ANKRD62: variants seen among roughly 807,000 people sequenced by gnomAD.
The protein encoded by ANKRD62 is ankyrin repeat domain-containing protein 62.
Under a neutral mutation model 98.8 loss-of-function variants are expected in ANKRD62, and 61 were observed. That is an observed-to-expected ratio of 0.62 (90% CI 0.50 to 0.76). ANKRD62 has a LOEUF of 0.76. ANKRD62 is among the 30% of genes least tolerant of loss of function. ANKRD62 has a pLI of 0.00. For missense variants in ANKRD62, 933 were observed against 1,082.9 expected (o/e 0.86, Z 1.94); for synonymous variants, 341 against 367.9 (o/e 0.93, Z 0.84).
At chr18:12,119,223 T>A (rs1446392432) in intron 10 of ANKRD62, among the ~76,000 whole-genome samples, 1 of 152,172 alleles carries the variant, frequency 6.6e-6, no homozygotes, top group East Asian at 1.9e-4. Flanking sequence ...TCTGTAATCA[T>A]GTGACATTAC....
intron 11 of ANKRD62, among the ~76,000 whole-genome samples, chr18:12,123,031 GTTT>G (rs34884853): frequency 1.3e-5 from 2 of 151,040 alleles, no homozygotes; most frequent in Admixed American, 6.6e-5. Context: ...AAATTAACCA[GTTT>G]TTTTTGTTTG....
intron 8 of ANKRD62, among the ~76,000 whole-genome samples, chr18:12,113,936 A>G (rs1300487675): frequency 6.6e-6 from 1 of 152,256 alleles, no homozygotes; most frequent in Non-Finnish European, 1.5e-5. Flanking sequence ...TGGTACATAT[A>G]TACCAGGAAA....
intron 5 of ANKRD62, 97 bp downstream of exon 5, chr18:12,097,874 A>G: frequency 2.1e-6 from 3 of 1,444,854 alleles, no homozygotes; most frequent in South Asian, 1.5e-5. Context: ...AGTTTGGTTC[A>G]GGTAGTTTTG....
rs573288670 is a variant in ANKRD62 at position 12,116,457 on chromosome 18, AT to A, written c.1240+930del. Among the ~76,000 whole-genome samples the A allele has an allele frequency of 2.8e-4, 42 of 152,258 alleles. No individual in the cohort carries two copies. In the East Asian group the frequency reaches 4.2e-3, roughly 15 times the overall value. On this transcript the variant is annotated intron_variant, in intron 10 of 13. Coordinates refer to ENST00000587848, the MANE Select transcript of ANKRD62 (RefSeq NM_001277333.2). ...TTTCATGCACAAAATTATTAAAAGT[AT>A]TTTTTTAATTACCATCTGTCTTTGT...
the ANKRD62 span, among the ~76,000 whole-genome samples, chr18:12,139,603 G>A: frequency 2.0e-5 from 3 of 151,868 alleles, no homozygotes; most frequent in Non-Finnish European, 4.4e-5. Context: ...CCAAGACCAC[G>A]CCACTGCACT....
At chr18:12,135,583 T>G in the ANKRD62 span, among the ~76,000 whole-genome samples, 238 of 150,674 alleles carry the variant, frequency 1.6e-3, 3 homozygotes, top group African/African-American at 4.5e-3. Context: ...GGGTCAAATG[T>G]TATTTCTAGT....
chr18:12,098,057 G>T (rs1033391003), intron 5 of ANKRD62, among the ~76,000 whole-genome samples: 1 of 152,182 alleles, frequency 6.6e-6, no homozygotes, highest in African/African-American at 2.4e-5. Flanking sequence ...AGTTGGGATA[G>T]TTCTAACCTG....
chr18:12,109,428 C>G (rs1201230790), intron 8 of ANKRD62, among the ~76,000 whole-genome samples: 2 of 152,152 alleles, frequency 1.3e-5, no homozygotes, highest in East Asian at 3.9e-4. Flanking sequence ...GGTGCCATGT[C>G]CCGGGTCTGC....
intron 10 of ANKRD62, among the ~76,000 whole-genome samples, chr18:12,117,350 A>G (rs988267160): frequency 1.3e-5 from 2 of 152,228 alleles, no homozygotes; most frequent in Non-Finnish European, 2.9e-5. Context: ...ATTGACGAAG[A>G]CAAAAAGCTG....
At chr18:12,146,688 G>A in the ANKRD62 span, among the ~76,000 whole-genome samples, 1,230 of 146,922 alleles carry the variant, frequency 8.4e-3, no homozygotes, top group African/African-American at 0.02. Context: ...CAAACGATCC[G>A]CCCTCCTCGG....
the ANKRD62 span, among the ~76,000 whole-genome samples, chr18:12,174,232 T>C: frequency 1.3e-5 from 2 of 152,228 alleles, no homozygotes; most frequent in Non-Finnish European, 2.9e-5. Flanking sequence ...CTGACTGTTT[T>C]ATTTCAGAAA....
chr18:12,096,590 T>C (rs1163290668), intron 4 of ANKRD62, among the ~76,000 whole-genome samples: 1 of 152,228 alleles, frequency 6.6e-6, no homozygotes, highest in Non-Finnish European at 1.5e-5. Context: ...ATATTGGTTT[T>C]ACTTGTTTTA....
At chr18:12,121,444 C>G (rs79913775) in intron 10 of ANKRD62, among the ~76,000 whole-genome samples, 31,561 of 152,008 alleles carry the variant, frequency 0.21, 4,236 homozygotes, top group East Asian at 0.54. Context: ...CTCCACCGCT[C>G]GCCATCCCTT....
the ANKRD62 span, among the ~76,000 whole-genome samples, chr18:12,138,427 C>G: frequency 6.6e-6 from 1 of 152,224 alleles, no homozygotes; most frequent in Non-Finnish European, 1.5e-5. Context: ...GTTATAATTT[C>G]TGTTCTTTTA....
At chr18:12,158,195 C>T in the ANKRD62 span, among the ~76,000 whole-genome samples, 1 of 152,194 alleles carries the variant, frequency 6.6e-6, no homozygotes, top group Non-Finnish European at 1.5e-5. Flanking sequence ...GAGGAACGTG[C>T]TTTGTTTAGA....
Position 12,127,844 on chromosome 18 carries a change from A to G in ANKRD62, c.2659A>G (p.Asn887Asp). 5 of 1,526,028 alleles carry G rather than the reference A, an allele frequency of 3.3e-6. No individual in the cohort carries two copies. In the South Asian group the frequency reaches 4.9e-5, roughly 15 times the overall value. 94.5% of individuals were successfully genotyped at this position (1,526,028 alleles called of 1,614,324 possible). A position where few individuals can be genotyped will look rare whatever the true frequency, so the allele number is the denominator to read the frequency against. Reference protein sequence around the residue: ...MLEISSERRINLEDEAQSLKK... With the variant: ...MLEISSERRIDLEDEAQSLKK... ...AGAGATTTCATCAGAACGTCGTATT[A>G]ATTTAGAAGATGAGGCACAAAGTTT... The change falls in exon 14 of 14, where the codon AAT becomes GAT. Residue 887 changes from asparagine to aspartate, a missense_variant. This residue lies in a region of ANKRD62 where 362 missense variants were observed against 434.5 expected (regional missense o/e 0.83). Transcript: ENST00000587848.
At chr18:12,102,895 G>T in intron 6 of ANKRD62, 1 of 585,610 alleles carries the variant, frequency 1.7e-6, no homozygotes, top group Non-Finnish European at 2.3e-6. Context: ...TTGTTGGGTG[G>T]ATTCATTTGT....
intron 5 of ANKRD62, among the ~76,000 whole-genome samples, chr18:12,098,124 C>T (rs1909221411): frequency 6.6e-6 from 1 of 152,078 alleles, no homozygotes; most frequent in African/African-American, 2.4e-5. Context: ...TTCTTTGTTA[C>T]CAGATTTTTT....
downstream of ANKRD62, among the ~76,000 whole-genome samples, chr18:12,134,301 AC>A (rs1386358071): frequency 6.6e-6 from 1 of 152,224 alleles, no homozygotes; most frequent in Non-Finnish European, 1.5e-5. Flanking sequence ...CAAAGATGGC[AC>A]ATATTTGACT....
Sources: allele counts gnomAD v4.1 joint callset (sites outside exome capture counted in the v4.1 genomes callset), GRCh38; gene constraint gnomAD v4.1.1; regional missense constraint gnomAD v4.1.1; transcripts MANE v1.5; gene names NCBI Gene and HGNC (gene_info 2026-07-23, HGNC 2026-07-21).